SPOCK1: variants seen among roughly 807,000 people sequenced by gnomAD.
The protein encoded by SPOCK1 is SPARC (osteonectin), cwcv and kazal like domains proteoglycan 1, also known as testican-1.
SPOCK1 carries 23 observed loss-of-function variants against 55.3 expected under a neutral mutation model. That is an observed-to-expected ratio of 0.42 (90% CI 0.30 to 0.59). SPOCK1 has a LOEUF of 0.59. SPOCK1 is among the 20% of genes least tolerant of loss of function. The pLI is 0.22. For synonymous variants in SPOCK1, 226 were observed against 221.0 expected, an observed-to-expected ratio of 1.02 and a Z score of -0.20; for missense variants, 499 against 552.5, an observed-to-expected ratio of 0.90 and a Z score of 0.97.
At chr5:137,418,316 A>AC (rs1752392526) in intron 2 of SPOCK1, among the ~76,000 whole-genome samples, 1 of 152,110 alleles carries the variant, frequency 6.6e-6, no homozygotes, top group Non-Finnish European at 1.5e-5. Context: ...TTGGGTATAT[A>AC]CTCAGTAATG....
intron 2 of SPOCK1, 31 bp downstream of exon 2, chr5:137,498,341 GC>G (rs760022148): frequency 3.3e-6 from 5 of 1,512,442 alleles, no homozygotes; most frequent in South Asian, 1.3e-5. Flanking sequence ...GAGGCTCCGC[GC>G]CCCCCAGGGC....
chr5:137,081,071 T>C (rs566523662), intron 5 of SPOCK1, among the ~76,000 whole-genome samples: 215 of 152,342 alleles, frequency 1.4e-3, no homozygotes, highest in African/African-American at 5.0e-3. Flanking sequence ...AGGGGGGCTG[T>C]GCCTCCTGTC....
chr5:137,051,400 T>C (rs1752206127), intron 6 of SPOCK1, among the ~76,000 whole-genome samples: 1 of 152,222 alleles, frequency 6.6e-6, no homozygotes, highest in Admixed American at 6.5e-5. Context: ...TAGAAATGAT[T>C]TCTTCCTGTT....
At chr5:137,140,785 C>T (rs1401697264) in intron 3 of SPOCK1, 91 bp from the exon 4 acceptor site, 5 of 781,670 alleles carry the variant, frequency 6.4e-6, no homozygotes, top group East Asian at 3.1e-5. Context: ...TTGAGACGGA[C>T]TCTCGCTGTG....
chr5:137,098,986 G>C (rs1561608501), intron 5 of SPOCK1, among the ~76,000 whole-genome samples: 1 of 152,100 alleles, frequency 6.6e-6, no homozygotes, highest in Non-Finnish European at 1.5e-5. Flanking sequence ...ACAAATGAGA[G>C]CAGGCTTTGT....
intron 2 of SPOCK1, among the ~76,000 whole-genome samples, chr5:137,353,642 G>C (rs1750728997): frequency 6.6e-6 from 1 of 152,150 alleles, no homozygotes. Context: ...TTCTGTAGCT[G>C]CTGCCAGCTC....
intron 3 of SPOCK1, among the ~76,000 whole-genome samples, chr5:137,173,852 C>T (rs1754802877): frequency 6.6e-6 from 1 of 152,172 alleles, no homozygotes; most frequent in East Asian, 1.9e-4. Flanking sequence ...TACCTGGCAC[C>T]ATCCATGCCT....
At chr5:137,280,066 A>G (rs529688849) in intron 2 of SPOCK1, among the ~76,000 whole-genome samples, 1 of 152,288 alleles carries the variant, frequency 6.6e-6, no homozygotes, top group African/African-American at 2.4e-5. Flanking sequence ...ATCATGATTC[A>G]TGGCCTCTGG....
intron 2 of SPOCK1, among the ~76,000 whole-genome samples, chr5:137,372,992 A>G (rs1184903148): frequency 6.6e-6 from 1 of 152,174 alleles, no homozygotes; most frequent in Non-Finnish European, 1.5e-5. Flanking sequence ...CAATTCTAAA[A>G]AGGCTTGAGG....
Position 137,270,657 on chromosome 5 carries a change from C to T in SPOCK1, c.187-3602G>A, listed in dbSNP as rs146084116. Among the ~76,000 whole-genome samples, 652 of 152,332 alleles carry T rather than the reference C, an allele frequency of 4.3e-3. 3 individuals are homozygous for T. The highest frequency in any genetic ancestry group is 0.015 in the African/African-American group (629 of 41,568). ...AAACAGAGGCCCAAACTTAAGCATA[C>T]TGACTTAGGTCTAGAATCACATAGT... On this transcript the variant is annotated intron_variant, in intron 2 of 10. Coordinates refer to ENST00000394945, the MANE Select transcript of SPOCK1 (RefSeq NM_004598.4).
chr5:137,097,711 C>T (rs865962711), intron 5 of SPOCK1, among the ~76,000 whole-genome samples: 2 of 152,176 alleles, frequency 1.3e-5, no homozygotes, highest in Non-Finnish European at 1.5e-5. Context: ...CAAAAACTAA[C>T]CCGAACCTGC....
At chr5:137,419,397 G>A (rs1451253879) in intron 2 of SPOCK1, among the ~76,000 whole-genome samples, 1 of 152,110 alleles carries the variant, frequency 6.6e-6, no homozygotes, top group Non-Finnish European at 1.5e-5. Flanking sequence ...TGGGCAGTAT[G>A]GCCATTTTCA....
intron 2 of SPOCK1, among the ~76,000 whole-genome samples, chr5:137,484,156 A>T (rs970010790): frequency 6.6e-6 from 1 of 152,138 alleles, no homozygotes; most frequent in Non-Finnish European, 1.5e-5. Flanking sequence ...ACATCTATAC[A>T]TTGCACCAGG....
At chr5:137,051,636 G>A (rs1752210617) in intron 6 of SPOCK1, among the ~76,000 whole-genome samples, 1 of 152,040 alleles carries the variant, frequency 6.6e-6, no homozygotes, top group South Asian at 2.1e-4. Flanking sequence ...CATATTGGGG[G>A]AAAAGTGAAC....
intron 2 of SPOCK1, among the ~76,000 whole-genome samples, chr5:137,473,014 C>A (rs1429127192): frequency 2.0e-5 from 3 of 152,152 alleles, no homozygotes; most frequent in African/African-American, 7.2e-5. Context: ...GGTTAAAGGG[C>A]AAAATGGTTC....
intron 3 of SPOCK1, among the ~76,000 whole-genome samples, chr5:137,261,403 G>C (rs1482549819): frequency 6.6e-6 from 1 of 152,132 alleles, no homozygotes; most frequent in Non-Finnish European, 1.5e-5. Context: ...AACATGAAAA[G>C]AACTCCCTCC....
chr5:137,086,351 AGCAGCATCTCT>A (rs1273476362), intron 5 of SPOCK1, among the ~76,000 whole-genome samples: 2 of 152,226 alleles, frequency 1.3e-5, no homozygotes, highest in Non-Finnish European at 2.9e-5. Flanking sequence ...CAAGGACAGT[AGCAGCATCTCT>A]GCTGGGAAGA....
Position 136,978,687 on chromosome 5 carries a change from A to ATCATCC in SPOCK1, c.1281_1286dup (p.Glu427_Asp428dup), listed in dbSNP as rs745714722. The ATCATCC allele has an allele frequency of 2.5e-6, 4 of 1,612,566 alleles. No homozygotes were observed. The highest frequency in any genetic ancestry group is 1.1e-5 in the South Asian group (1 of 90,834). On this transcript the variant is annotated inframe_insertion, in exon 11 of 11. Coordinates refer to ENST00000394945, the MANE Select transcript of SPOCK1 (RefSeq NM_004598.4). ...TGTACCCGACCTCATCCTCTTTGTCATCATCCTCATCCTCATCATCCTCTG... is the reference window on the plus strand; with the variant it reads ...TGTACCCGACCTCATCCTCTTTGTCATCATCCTCATCCTCATCCTCATCATCCTCTG...
At chr5:137,215,707 C>A (rs1325966541) in intron 3 of SPOCK1, among the ~76,000 whole-genome samples, 1 of 152,158 alleles carries the variant, frequency 6.6e-6, no homozygotes, top group African/African-American at 2.4e-5. Flanking sequence ...GTTCCCCTAC[C>A]ATGAGCAGTT....
Sources: allele counts gnomAD v4.1 joint callset (sites outside exome capture counted in the v4.1 genomes callset), GRCh38; gene constraint gnomAD v4.1.1; transcripts MANE v1.5; gene names NCBI Gene and HGNC (gene_info 2026-07-23, HGNC 2026-07-21).